Variants in PHIP observed in about 807,000 individuals in gnomAD.
The protein encoded by PHIP is PH-interacting protein.
A neutral mutation model predicts 236.8 loss-of-function variants in PHIP; 54 were observed. The ratio of observed to expected loss-of-function variants is 0.23; its 90% CI spans 0.18 to 0.29. PHIP has a LOEUF of 0.29. PHIP is among the 10% of genes least tolerant of loss of function. The probability of loss-of-function intolerance (pLI) is 1.00; values close to 1 mark genes in which losing one functional copy is unlikely to be tolerated. For missense variants in PHIP, 1,370 were observed against 2,190.8 expected, an observed-to-expected ratio of 0.63 and a Z score of 7.48; for synonymous variants, 756 against 718.9, an observed-to-expected ratio of 1.05 and a Z score of -0.83.
chr6:79,077,769 G>A, intron 2 of PHIP, 40 bp from the exon 3 acceptor site: 1 of 978,396 alleles, frequency 1.0e-6, no homozygotes, highest in Non-Finnish European at 1.2e-6. Context: ...CCCGCGCCCC[G>A]GGCCGCGGCC....
At position 79,017,594 on chromosome 6, in the gene PHIP, T is replaced by C. The variant is rs766452455; in HGVS notation, c.995-11A>G. The C allele has an allele frequency of 5.7e-6, 9 of 1,566,050 alleles. No homozygotes were observed. The East Asian group carries it at 1.1e-4, about 20-fold the overall frequency. ...CCAGAAACATTCCACCTATGAAGAA[T>C]AACAGCAATTGTTAAGAAGTAAAAC... is the stretch of plus-strand genomic sequence containing the variant. On this transcript the variant is annotated splice_polypyrimidine_tract_variant and intron_variant, in intron 10 of 39. Coordinates refer to ENST00000275034, the MANE Select transcript of PHIP (RefSeq NM_017934.7).
At chr6:79,070,913 C>T (rs777107976) in intron 4 of PHIP, among the ~76,000 whole-genome samples, 8 of 152,020 alleles carry the variant, frequency 5.3e-5, no homozygotes, top group African/African-American at 1.4e-4. Flanking sequence ...ATGTGACACC[C>T]GCAGATAAGG....
intron 6 of PHIP, among the ~76,000 whole-genome samples, chr6:79,043,987 C>T (rs909302115): frequency 6.6e-6 from 1 of 151,896 alleles, no homozygotes; most frequent in African/African-American, 2.4e-5. Context: ...GTTGATAAAA[C>T]ATAAATATAT....
chr6:79,066,565 A>G (rs1349747784), intron 4 of PHIP, among the ~76,000 whole-genome samples: 2 of 152,182 alleles, frequency 1.3e-5, no homozygotes, highest in Admixed American at 1.3e-4. Flanking sequence ...TACAACAGAC[A>G]TTTTGAATAG....
intron 9 of PHIP, among the ~76,000 whole-genome samples, chr6:79,021,115 T>C (rs1393899970): frequency 6.6e-6 from 1 of 152,192 alleles, no homozygotes; most frequent in Non-Finnish European, 1.5e-5. Flanking sequence ...GGTGAATTAT[T>C]TTGATTAACC....
intron 29 of PHIP, among the ~76,000 whole-genome samples, chr6:78,964,599 T>C (rs560671565): frequency 3.3e-5 from 5 of 152,236 alleles, no homozygotes; most frequent in Admixed American, 2.6e-4. Flanking sequence ...TTCAAGTAAT[T>C]TTCCTGCCTC....
Position 78,985,327 on chromosome 6 carries a change from G to C in PHIP, c.2537+25C>G, listed in dbSNP as rs540206504. Reference sequence around the variant, plus strand: ...TTTCTAAAGACTTTATATAACATTTGGAAAAATAAAAAGCATTCATTTACC... The same window carrying C: ...TTTCTAAAGACTTTATATAACATTTCGAAAAATAAAAAGCATTCATTTACC... On this transcript the variant is annotated intron_variant, in intron 22 of 39. Coordinates refer to ENST00000275034, the MANE Select transcript of PHIP (RefSeq NM_017934.7). The C allele has an allele frequency of 1.3e-5, 17 of 1,285,484 alleles. No individual in the cohort carries two copies. In the African/African-American group the frequency reaches 1.3e-4, roughly 10 times the overall value. 79.6% of individuals were successfully genotyped at this position (1,285,484 alleles called of 1,614,324 possible). A position where few individuals can be genotyped will look rare whatever the true frequency, so the allele number is the denominator to read the frequency against.
intron 7 of PHIP, among the ~76,000 whole-genome samples, chr6:79,027,110 C>CA (rs771014429): frequency 6.6e-6 from 1 of 152,034 alleles, no homozygotes; most frequent in Non-Finnish European, 1.5e-5. Flanking sequence ...AGAAAGAACT[C>CA]AGAGGACCTA....
intron 9 of PHIP, among the ~76,000 whole-genome samples, chr6:79,021,444 C>T (rs943241362): frequency 2.0e-5 from 3 of 152,146 alleles, no homozygotes; most frequent in Admixed American, 1.3e-4. Flanking sequence ...CAACACGCCC[C>T]GCCACAATAG....
intron 9 of PHIP, among the ~76,000 whole-genome samples, chr6:79,021,123 A>G (rs1436053203): frequency 6.6e-6 from 1 of 152,154 alleles, no homozygotes; most frequent in Non-Finnish European, 1.5e-5. Flanking sequence ...ATTTTGATTA[A>G]CCAATAAATT....
chr6:78,979,258 C>T (rs1317622471), intron 23 of PHIP, among the ~76,000 whole-genome samples: 1 of 151,968 alleles, frequency 6.6e-6, no homozygotes, highest in Admixed American at 6.6e-5. Context: ...TCACTGTCTA[C>T]AAAGAGAACT....
At chr6:78,994,862 A>G (rs533862161) in intron 19 of PHIP, among the ~76,000 whole-genome samples, 2 of 152,356 alleles carry the variant, frequency 1.3e-5, no homozygotes, top group East Asian at 3.9e-4. Context: ...AGCGTTTTTC[A>G]GCAGTAAAGA....
intron 16 of PHIP, 35 bp downstream of exon 16, chr6:79,003,695 A>AC (rs765890247): frequency 3.4e-6 from 5 of 1,475,184 alleles, no homozygotes; most frequent in Non-Finnish European, 4.5e-6. Context: ...CATTAAAAAA[A>AC]AATAAGGACA....
chr6:79,077,542 C>CG (rs777763314), intron 3 of PHIP, 35 bp from the exon 4 acceptor site: 14 of 1,377,344 alleles, frequency 1.0e-5, no homozygotes, highest in Non-Finnish European at 1.3e-5. Flanking sequence ...GCCCGGCCCC[C>CG]GGCCCCTACC....
intron 4 of PHIP, among the ~76,000 whole-genome samples, chr6:79,076,515 A>C (rs1409914090): frequency 6.6e-6 from 1 of 152,204 alleles, no homozygotes; most frequent in Non-Finnish European, 1.5e-5. Context: ...ACTTCCAATC[A>C]CAATACTGAA....
intron 19 of PHIP, among the ~76,000 whole-genome samples, chr6:78,991,379 T>G (rs1769236347): frequency 6.6e-6 from 1 of 151,802 alleles, no homozygotes; most frequent in African/African-American, 2.4e-5. Flanking sequence ...CTGGAATCTC[T>G]TTAAAAATTC....
intron 4 of PHIP, among the ~76,000 whole-genome samples, chr6:79,074,061 C>G (rs1774023806): frequency 1.3e-5 from 2 of 152,214 alleles, no homozygotes; most frequent in African/African-American, 4.8e-5. Context: ...CCAAGATTAC[C>G]TACAGTTTAA....
In PHIP at chr6:78,988,328, G is replaced by A; in HGVS notation, c.2341C>T (p.Leu781=). The A allele has an allele frequency of 1.2e-6, 2 of 1,601,776 alleles. No individual in the cohort carries two copies. The highest frequency in any genetic ancestry group is 1.7e-6 in the Non-Finnish European group (2 of 1,172,442). ...TGCTTTTTGGATTCTCCAAGATCCA[G>A]GAAATGCTCATGAGCATGATTCTAG... is the stretch of plus-strand genomic sequence containing the variant. The part of the protein sequence containing the change: ...VSKNHAHEHF[L]DLGESKKQQT... The change falls in exon 21 of 40, where the codon CTG becomes TTG. Residue 781 remains leucine, a synonymous_variant. Coordinates refer to ENST00000275034, the MANE Select transcript of PHIP (RefSeq NM_017934.7).
chr6:78,970,851 T>C lies in PHIP; in HGVS notation c.2927A>G (p.Glu976Gly). The C allele has an allele frequency of 1.2e-6, 2 of 1,611,668 alleles. No individual in the cohort carries two copies. Among genetic ancestry groups the C allele is most frequent in the Non-Finnish European group, 8.5e-7 (1 of 1,178,930 alleles). The change falls in exon 25 of 40, where the codon GAA (glutamate) becomes GGA (glycine). Residue 976 changes from glutamate (E) to glycine (G), a missense_variant. By Grantham distance (98) the Glu-to-Gly change is moderately conservative. Transcript: ENST00000275034. ...YFRQGHEAYV[E>G]MARKNKIYSI... is the part of the protein sequence containing the mutation. ...ATATATTTTATTTTTCCGGGCCATTTCGACATAGGCTTCATGTCCTTGTCG... is the reference window on the plus strand; with the variant it reads ...ATATATTTTATTTTTCCGGGCCATTCCGACATAGGCTTCATGTCCTTGTCG...
Sources: gnomAD v4.1 joint callset for allele counts (sites outside exome capture counted in the v4.1 genomes callset) on GRCh38, gnomAD v4.1.1 for gene constraint, MANE v1.5 for transcripts, NCBI Gene and HGNC (gene_info 2026-07-23, HGNC 2026-07-21) for gene names.